The following ESR1 variants were observed in gnomAD, a reference collection of about 807,000 sequenced individuals.
The protein encoded by ESR1 is estrogen receptor.
A neutral mutation model predicts 52.7 loss-of-function variants in ESR1; 12 were observed. That is an observed-to-expected ratio of 0.23 (90% CI 0.15 to 0.37). The LOEUF is 0.37. Among genes scored for constraint, ESR1 ranks in the 10% least tolerant of loss-of-function variants. ESR1 has a pLI of 1.00. For missense variants in ESR1, 584 were observed against 779.7 expected, an observed-to-expected ratio of 0.75 and a Z score of 2.99; for synonymous variants, 305 against 316.8, an observed-to-expected ratio of 0.96 and a Z score of 0.39.
chr6:152,030,676 C>A (rs965202795), intron 5 of ESR1, among the ~76,000 whole-genome samples: 128 of 152,286 alleles, frequency 8.4e-4, no homozygotes, highest in African/African-American at 3.0e-3. Context: ...TAGACTCCCA[C>A]ACAATAATAA....
intron 1 of ESR1, among the ~76,000 whole-genome samples, chr6:151,665,360 C>G (rs781423403): frequency 6.6e-6 from 1 of 152,158 alleles, no homozygotes; most frequent in Non-Finnish European, 1.5e-5. Flanking sequence ...GTGTTTGTCA[C>G]GACCTCTAAA....
chr6:151,874,478 T>C (rs558279063), intron 2 of ESR1, among the ~76,000 whole-genome samples: 2 of 152,252 alleles, frequency 1.3e-5, no homozygotes, highest in South Asian at 4.1e-4. Flanking sequence ...CTCCATAAAG[T>C]TAGGAAGTTA....
intron 5 of ESR1, among the ~76,000 whole-genome samples, chr6:152,038,834 C>T (rs3020352): frequency 0.44 from 67,541 of 151,816 alleles, 17,154 homozygotes; most frequent in African/African-American, 0.69. Context: ...TTTTGCCATC[C>T]TGGCCAGGCT....
At chr6:151,713,252 G>A (rs7454865) in intron 2 of ESR1, among the ~76,000 whole-genome samples, 35,073 of 152,076 alleles carry the variant, frequency 0.23, 4,791 homozygotes, top group Middle Eastern at 0.38. Flanking sequence ...GTATTTTATC[G>A]AGGATTTTTG....
Position 152,069,423 on chromosome 6 carries a change from T to C in ESR1, c.1369+8299T>C, listed in dbSNP as rs2048211551. On this transcript the variant is annotated intron_variant, in intron 6 of 7. Transcript: ENST00000206249. ...CAAACTTGAGGGGTTTTTTTTAGCA[T>C]CAAAGATGTTATCTATAGAAGTTAG... 1.5e-5 allele frequency among the ~76,000 whole-genome samples: 2 copies of C among 136,622 alleles called. 1 individual carries two copies. The highest frequency in any genetic ancestry group is 1.4e-4 in the Admixed American group (2 of 14,690). 89.6% of individuals were successfully genotyped at this position (136,622 alleles called of 152,430 possible).
chr6:151,707,276 CTATAGA>C (rs1300193191), intron 2 of ESR1, among the ~76,000 whole-genome samples: 2 of 152,052 alleles, frequency 1.3e-5, no homozygotes, highest in African/African-American at 2.4e-5. Context: ...TTCTCATCAG[CTATAGA>C]TAATCACTAA....
chr6:151,930,850 C>T (rs1225569151), intron 3 of ESR1, among the ~76,000 whole-genome samples: 1 of 152,012 alleles, frequency 6.6e-6, no homozygotes, highest in Non-Finnish European at 1.5e-5. Flanking sequence ...TATTTTACTT[C>T]ACTTTCTTTA....
intron 3 of ESR1, among the ~76,000 whole-genome samples, chr6:151,940,183 A>G (rs2034887574): frequency 6.6e-6 from 1 of 152,146 alleles, no homozygotes; most frequent in Non-Finnish European, 1.5e-5. Context: ...ACTGCCCTGT[A>G]TGAAACCATC....
At chr6:152,023,182 TG>T (rs1163501903) in intron 5 of ESR1, among the ~76,000 whole-genome samples, 1 of 151,790 alleles carries the variant, frequency 6.6e-6, no homozygotes, top group Admixed American at 6.6e-5. Context: ...AAAGAGAAAA[TG>T]GGGGTGGAAT....
At chr6:152,081,129 T>C (rs554489868) in intron 6 of ESR1, among the ~76,000 whole-genome samples, 2 of 152,260 alleles carry the variant, frequency 1.3e-5, no homozygotes, top group African/African-American at 4.8e-5. Context: ...GTGGACCCAA[T>C]AGACATCTAC....
exon 7 of ESR1, chr6:152,128,335 C>A (rs1457443403): frequency 6.6e-6 from 1 of 152,120 alleles, no homozygotes; most frequent in East Asian, 1.9e-4. Context: ...TAGGGAGCTC[C>A]CTGTAACGAT....
At chr6:152,070,028 ACATT>A (rs2048249642) in intron 6 of ESR1, among the ~76,000 whole-genome samples, 1 of 137,934 alleles carries the variant, frequency 7.2e-6, no homozygotes, top group Non-Finnish European at 1.5e-5. Flanking sequence ...TCTGGCAACA[ACATT>A]AAACTACCAG....
intron 4 of ESR1, among the ~76,000 whole-genome samples, chr6:151,980,586 C>T (rs1214668442): frequency 6.6e-6 from 1 of 152,118 alleles, no homozygotes; most frequent in Non-Finnish European, 1.5e-5. Flanking sequence ...ATTCTTTTCT[C>T]TTTGGAGTAG....
At chr6:152,051,356 G>GAAAAC (rs1210321826) in intron 5 of ESR1, among the ~76,000 whole-genome samples, 9 of 152,044 alleles carry the variant, frequency 5.9e-5, no homozygotes, top group African/African-American at 1.9e-4. Flanking sequence ...CAGCACTGAT[G>GAAAAC]AAAACAAAAC....
chr6:151,929,311 T>C (rs1426832667), intron 3 of ESR1, among the ~76,000 whole-genome samples: 1 of 152,230 alleles, frequency 6.6e-6, no homozygotes, highest in East Asian at 1.9e-4. Flanking sequence ...GACCCCTTTA[T>C]CATCATCTTT....
intron 3 of ESR1, among the ~76,000 whole-genome samples, chr6:151,899,071 G>A (rs559471803): frequency 8.0e-6 from 1 of 125,696 alleles, no homozygotes; most frequent in African/African-American, 3.0e-5. Context: ...CTGGCCGGGT[G>A]GGGGGCTGAC....
chr6:151,755,634 T>C (rs760283620), intron 2 of ESR1, among the ~76,000 whole-genome samples: 2 of 148,748 alleles, frequency 1.3e-5, no homozygotes, highest in Non-Finnish European at 2.9e-5. Context: ...TCTTTCTTTT[T>C]CTTTTCTTTT....
chr6:151,821,038 A>T (rs990310368), intron 1 of ESR1, among the ~76,000 whole-genome samples: 66 of 152,132 alleles, frequency 4.3e-4, no homozygotes, highest in African/African-American at 1.5e-3. Context: ...CCTACCTTTT[A>T]TATTTTCCAG....
chr6:152,033,845 G>A (rs1195170629), intron 5 of ESR1, among the ~76,000 whole-genome samples: 4 of 152,224 alleles, frequency 2.6e-5, no homozygotes, highest in South Asian at 2.1e-4. Flanking sequence ...ACATGCACAC[G>A]TATGTTTATT....
Sources: allele counts gnomAD v4.1 joint callset (sites outside exome capture counted in the v4.1 genomes callset), GRCh38; gene constraint gnomAD v4.1.1; transcripts MANE v1.5; gene names NCBI Gene and HGNC (gene_info 2026-07-23, HGNC 2026-07-21).